CDH19: variants seen among roughly 807,000 people sequenced by gnomAD.
The protein encoded by CDH19 is cadherin-19.
Under a neutral mutation model 64.2 loss-of-function variants are expected in CDH19, and 67 were observed. The observed-to-expected ratio is 1.04, with a 90% CI of 0.86 to 1.28. CDH19 has a LOEUF of 1.28. Among genes scored for constraint, CDH19 ranks in the 50% most tolerant of loss-of-function variants. CDH19 has a pLI of 0.00. For missense variants in CDH19, 1,030 were observed against 929.0 expected, an observed-to-expected ratio of 1.11 and a Z score of -1.41; for synonymous variants, 346 against 319.3, an observed-to-expected ratio of 1.08 and a Z score of -0.89.
At chr18:66,568,055 G>T (rs976927466) in intron 3 of CDH19, among the ~76,000 whole-genome samples, 2 of 151,588 alleles carry the variant, frequency 1.3e-5, no homozygotes, top group Non-Finnish European at 2.9e-5. Flanking sequence ...TGCATATCTT[G>T]CAGGATTATC....
intron 3 of CDH19, among the ~76,000 whole-genome samples, chr18:66,567,304 G>T (rs2144566845): frequency 6.6e-6 from 1 of 151,538 alleles, no homozygotes; most frequent in African/African-American, 2.4e-5. Context: ...AGGAGGAAGA[G>T]AGGGAATAAG....
At position 66,503,642 on chromosome 18, in the gene CDH19, A is replaced by C. The variant is rs1985041668; in HGVS notation, c.*1170T>G. 1 of 151,878 alleles carries C rather than the reference A, an allele frequency of 6.6e-6. No individual in the cohort carries two copies. Among genetic ancestry groups the C allele is most frequent in the Admixed American group, 6.6e-5 (1 of 15,216 alleles). 9.4% of individuals were successfully genotyped at this position (151,878 alleles called of 1,614,324 possible). On this transcript the variant is annotated 3_prime_UTR_variant, in exon 12 of 12. Transcript: ENST00000262150. ...TTTTGCTATTGTATTTTGACATAAG[A>C]ATGTGTTTTGAGTTGCATATGAAAA...
intron 7 of CDH19, among the ~76,000 whole-genome samples, chr18:66,540,398 C>T (rs754226515): frequency 3.9e-5 from 6 of 152,148 alleles, no homozygotes; most frequent in African/African-American, 1.4e-4. Flanking sequence ...AAAGAGTAAT[C>T]CCTATATCTG....
chr18:66,601,064 T>C (rs1989026271), intron 1 of CDH19, among the ~76,000 whole-genome samples: 1 of 151,882 alleles, frequency 6.6e-6, no homozygotes, highest in Admixed American at 6.6e-5. Context: ...ATGACACTAC[T>C]CTCTTGAAAA....
intron 9 of CDH19, among the ~76,000 whole-genome samples, chr18:66,513,196 T>C (rs1199689387): frequency 6.6e-6 from 1 of 151,560 alleles, no homozygotes; most frequent in Non-Finnish European, 1.5e-5. Context: ...GTATTAAACA[T>C]GAGCATCTGA....
intron 1 of CDH19, among the ~76,000 whole-genome samples, chr18:66,587,207 T>C (rs1228970816): frequency 6.6e-6 from 1 of 152,112 alleles, no homozygotes; most frequent in Non-Finnish European, 1.5e-5. Context: ...CAAAACTTAA[T>C]GACCAACTGG....
chr18:66,527,301 A>C (rs1348821335), intron 9 of CDH19, among the ~76,000 whole-genome samples: 1 of 151,930 alleles, frequency 6.6e-6, no homozygotes, highest in Non-Finnish European at 1.5e-5. Flanking sequence ...TTGTTTTTCC[A>C]GGTTGCATGT....
chr18:66,556,592 T>C (rs1021119163), intron 3 of CDH19, among the ~76,000 whole-genome samples: 2 of 151,872 alleles, frequency 1.3e-5, no homozygotes, highest in Non-Finnish European at 2.9e-5. Context: ...TGGCAAATGG[T>C]AAGATTTTCT....
chr18:66,520,394 C>T (rs1206064325), intron 9 of CDH19, among the ~76,000 whole-genome samples: 7 of 137,892 alleles, frequency 5.1e-5, no homozygotes, highest in Admixed American at 7.6e-5. Context: ...TAAGCAATCT[C>T]TAAAATATAC....
intron 1 of CDH19, among the ~76,000 whole-genome samples, chr18:66,595,086 T>C (rs142714631): frequency 2.6e-5 from 4 of 151,582 alleles, no homozygotes; most frequent in African/African-American, 9.7e-5. Context: ...AAATTGCTCC[T>C]GAACGACCTT....
At chr18:66,517,742 T>C (rs984599166) in intron 9 of CDH19, among the ~76,000 whole-genome samples, 1 of 152,058 alleles carries the variant, frequency 6.6e-6, no homozygotes, top group Non-Finnish European at 1.5e-5. Flanking sequence ...AGAATCATCT[T>C]CATAAATTAA....
chr18:66,572,125 T>A lies in CDH19; in HGVS notation c.80A>T (p.Gln27Leu). 1 of 1,611,704 alleles carries A rather than the reference T, an allele frequency of 6.2e-7. No homozygotes were observed. Among genetic ancestry groups the A allele is most frequent in the South Asian group, 1.1e-5 (1 of 91,020 alleles). The change falls in exon 2 of 12, where the codon CAA becomes CTA. Residue 27 changes from glutamine to leucine, a missense_variant. Transcript: ENST00000262150. Reference sequence around the variant, plus strand: ...CACTGGCTGCTTGACTTTCTTTGTTTGAGAGTTTTCTGTTGCTCCAAGACA... The same window carrying A: ...CACTGGCTGCTTGACTTTCTTTGTTAGAGAGTTTTCTGTTGCTCCAAGACA... ...WPCLGATENS[Q>L]TKKVKQPVRS...
At chr18:66,547,724 G>C (rs1987175880) in intron 5 of CDH19, among the ~76,000 whole-genome samples, 1 of 125,288 alleles carries the variant, frequency 8.0e-6, no homozygotes, top group Admixed American at 9.0e-5. Flanking sequence ...CTGGAGTGCA[G>C]TGGCGGGATC....
At chr18:66,590,450 G>A (rs74584924) in intron 1 of CDH19, among the ~76,000 whole-genome samples, 1 of 151,312 alleles carries the variant, frequency 6.6e-6, no homozygotes, top group African/African-American at 2.4e-5. Flanking sequence ...TTAAGACAAA[G>A]AATTTTGCTT....
chr18:66,589,513 T>A (rs1358614670), intron 1 of CDH19, among the ~76,000 whole-genome samples: 4 of 151,928 alleles, frequency 2.6e-5, no homozygotes, highest in Non-Finnish European at 5.9e-5. Context: ...AGCTACATAA[T>A]ACCTAGACAA....
intron 5 of CDH19, among the ~76,000 whole-genome samples, chr18:66,548,027 T>C (rs1987194659): frequency 6.8e-6 from 1 of 147,468 alleles, no homozygotes; most frequent in Non-Finnish European, 1.5e-5. Context: ...CATTATATAC[T>C]ATATATGTGT....
chr18:66,544,004 G>A lies in CDH19; in HGVS notation c.1181C>T (p.Ala394Val). 1 of 1,613,338 alleles carries A rather than the reference G, an allele frequency of 6.2e-7. No homozygotes were observed. Among genetic ancestry groups the A allele is most frequent in the South Asian group, 1.1e-5 (1 of 91,068 alleles). ...PQGSFVGVVS[A>V]TDPDNRKSPI... The stretch of plus-strand genomic sequence containing the variant: ...AGATTTCCTATTGTCTGGGTCTGTG[G>A]CAGACACCACGCCTACAAATGATCC... The change falls in exon 7 of 12, where the codon GCC (alanine) becomes GTC (valine). Residue 394 changes from alanine to valine, a missense_variant. Physicochemically the swap from Ala to Val is moderately conservative, Grantham distance 64 (BLOSUM62 0). Coordinates refer to ENST00000262150, the MANE Select transcript of CDH19 (RefSeq NM_021153.4).
chr18:66,502,151 A>G lies in CDH19; in HGVS notation c.*2661T>C, dbSNP rs1214295340. ...ACACCCATGTGATGCAAAACATAAA[A>G]TAATTATTGAATATAATACAAAGTA... On this transcript the variant is annotated 3_prime_UTR_variant, in exon 12 of 12. Coordinates refer to ENST00000262150, the MANE Select transcript of CDH19 (RefSeq NM_021153.4). 2 of 152,130 alleles carry G rather than the reference A, an allele frequency of 1.3e-5. No individual in the cohort carries two copies. The highest frequency in any genetic ancestry group is 2.9e-5 in the Non-Finnish European group (2 of 68,012). The allele number at this position is 152,130 out of a possible 1,614,324, so 9.4% of individuals were successfully genotyped here.
chr18:66,532,537 GA>G, intron 8 of CDH19: 14 of 302,292 alleles, frequency 4.6e-5, no homozygotes, highest in Admixed American at 8.7e-5. Context: ...GAGAGAGAGA[GA>G]GGGAAAAAAA....
Sources: allele counts gnomAD v4.1 joint callset (sites outside exome capture counted in the v4.1 genomes callset), GRCh38; gene constraint gnomAD v4.1.1; transcripts MANE v1.5; gene names NCBI Gene and HGNC (gene_info 2026-07-23, HGNC 2026-07-21).